SEMA3D: variants seen among roughly 807,000 people sequenced by gnomAD.
The protein encoded by SEMA3D is semaphorin 3D.
A neutral mutation model predicts 100.1 loss-of-function variants in SEMA3D; 84 were observed. The observed-to-expected ratio is 0.84, with a 90% CI of 0.70 to 1.01. SEMA3D has a LOEUF of 1.01. Ranked by LOEUF, SEMA3D falls within the 50% of genes least tolerant of loss-of-function variation. The pLI is 0.00. For missense variants in SEMA3D, 875 were observed against 934.1 expected, an observed-to-expected ratio of 0.94 and a Z score of 0.82; for synonymous variants, 312 against 320.7, an observed-to-expected ratio of 0.97 and a Z score of 0.29.
Position 85,061,965 on chromosome 7 carries a change from C to T in SEMA3D, c.718+3459G>A, listed in dbSNP as rs377022410. ...TCCCTGCTTCCTGCTACCAGACCCA[C>T]ATCCTTGATTTGCTGTTGCCCTACA... is the stretch of plus-strand genomic sequence containing the variant. On this transcript the variant is annotated intron_variant, in intron 8 of 18. Transcript: ENST00000284136. 3.3e-5 allele frequency among the ~76,000 whole-genome samples: 5 copies of T among 152,298 alleles called. No homozygotes were observed. The South Asian group carries it at 8.3e-4, about 25-fold the overall frequency.
intron 4 of SEMA3D, among the ~76,000 whole-genome samples, chr7:85,088,675 T>C (rs944330218): frequency 2.6e-5 from 4 of 152,188 alleles, no homozygotes; most frequent in African/African-American, 2.4e-5. Context: ...GCAGTGGGTA[T>C]TGGCCTGGCC....
chr7:85,196,663 C>T, the SEMA3D span, among the ~76,000 whole-genome samples: 1 of 152,016 alleles, frequency 6.6e-6, no homozygotes, highest in South Asian at 2.1e-4. Context: ...AAAGACTTTT[C>T]ATCTAAGGGG....
intron 1 of SEMA3D, among the ~76,000 whole-genome samples, chr7:85,171,603 A>T (rs891376922): frequency 2.6e-5 from 4 of 151,938 alleles, no homozygotes; most frequent in African/African-American, 9.7e-5. Context: ...CCACTGTTTG[A>T]TAGGCAGGTC....
chr7:85,157,485 C>T (rs912976177), intron 1 of SEMA3D: 5 of 160,568 alleles, frequency 3.1e-5, no homozygotes, highest in African/African-American at 1.2e-4. Flanking sequence ...CACAGTTTGA[C>T]CCTTGCCTAC....
At chr7:85,110,723 T>G (rs530241827) in intron 3 of SEMA3D, among the ~76,000 whole-genome samples, 2 of 152,104 alleles carry the variant, frequency 1.3e-5, no homozygotes, top group Non-Finnish European at 2.9e-5. Context: ...ATTCTTCTTC[T>G]AGATTATTTC....
chr7:85,189,335 T>C (rs183416515), upstream of SEMA3D, among the ~76,000 whole-genome samples: 279 of 152,318 alleles, frequency 1.8e-3, 1 homozygote, highest in African/African-American at 6.6e-3. Flanking sequence ...GAATTTCTAA[T>C]AACTGTATAG....
At chr7:85,044,080 T>C (rs1220049501) in intron 9 of SEMA3D, among the ~76,000 whole-genome samples, 1 of 151,988 alleles carries the variant, frequency 6.6e-6, no homozygotes, top group Non-Finnish European at 1.5e-5. Flanking sequence ...GTATAAATTA[T>C]ATAAAATCAT....
chr7:85,192,734 T>C, the SEMA3D span, among the ~76,000 whole-genome samples: 1 of 152,186 alleles, frequency 6.6e-6, no homozygotes, highest in Non-Finnish European at 1.5e-5. Flanking sequence ...TTTAGGACTT[T>C]TAATTTCATT....
chr7:85,172,534 C>A (rs1791112692), intron 1 of SEMA3D, among the ~76,000 whole-genome samples: 1 of 151,920 alleles, frequency 6.6e-6, no homozygotes, highest in Admixed American at 6.6e-5. Flanking sequence ...CAGCATGGAA[C>A]AAAGATGTAC....
the SEMA3D span, among the ~76,000 whole-genome samples, chr7:85,225,105 T>C: frequency 0.19 from 3,404 of 18,046 alleles, 288 homozygotes; most frequent in African/African-American, 0.2. Flanking sequence ...TATATATATA[T>C]ACATACATAT....
intron 1 of SEMA3D, among the ~76,000 whole-genome samples, chr7:85,156,248 G>A (rs561074366): frequency 5.3e-5 from 8 of 151,888 alleles, no homozygotes; most frequent in Admixed American, 3.3e-4. Context: ...GACTACAAGC[G>A]CGTGCCACCA....
At chr7:85,133,731 T>A (rs1000601238) in intron 2 of SEMA3D, among the ~76,000 whole-genome samples, 1 of 151,998 alleles carries the variant, frequency 6.6e-6, no homozygotes, top group Non-Finnish European at 1.5e-5. Context: ...ATTCACTTAA[T>A]TTCTTTAAGT....
In SEMA3D at chr7:85,031,914, A is replaced by G. The variant is rs901537170; in HGVS notation, c.1191+4975T>C. ...AAACAAATAAGAAAGAATGCCAGGA[A>G]ATAATGTAAAATTCAATGCAGCTAA... On this transcript the variant is annotated intron_variant, in intron 12 of 18. Coordinates refer to ENST00000284136, the MANE Select transcript of SEMA3D (RefSeq NM_001384900.1). Among the ~76,000 whole-genome samples the G allele has an allele frequency of 2.0e-5, 3 of 152,078 alleles. No homozygotes were observed. The East Asian group carries it at 5.8e-4, about 29-fold the overall frequency.
chr7:85,030,160 A>G (rs1015640354), intron 12 of SEMA3D, among the ~76,000 whole-genome samples: 1 of 150,702 alleles, frequency 6.6e-6, no homozygotes, highest in Non-Finnish European at 1.5e-5. Flanking sequence ...GAACCAAAAA[A>G]TTTTCAGGAA....
intron 2 of SEMA3D, among the ~76,000 whole-genome samples, chr7:85,122,899 T>C (rs1184484923): frequency 6.6e-6 from 1 of 152,166 alleles, no homozygotes; most frequent in Non-Finnish European, 1.5e-5. Context: ...CTGTAAGATG[T>C]AGAGTCAATC....
At chr7:85,242,813 T>G in the SEMA3D span, among the ~76,000 whole-genome samples, 1 of 152,160 alleles carries the variant, frequency 6.6e-6, no homozygotes, top group Non-Finnish European at 1.5e-5. Context: ...ACATTTTTCT[T>G]TCTCTGAAGT....
intron 17 of SEMA3D, among the ~76,000 whole-genome samples, chr7:85,007,174 T>C (rs889894997): frequency 6.6e-6 from 1 of 151,962 alleles, no homozygotes; most frequent in African/African-American, 2.4e-5. Context: ...ATTAGCTATT[T>C]GCACTTGATT....
At chr7:85,086,671 C>A (rs1237531159) in intron 4 of SEMA3D, among the ~76,000 whole-genome samples, 1 of 144,560 alleles carries the variant, frequency 6.9e-6, no homozygotes, top group Admixed American at 6.9e-5. Context: ...TGTATAGATG[C>A]ATGTGGAGGG....
At chr7:85,062,408 A>G (rs1036545921) in intron 8 of SEMA3D, among the ~76,000 whole-genome samples, 5 of 152,210 alleles carry the variant, frequency 3.3e-5, no homozygotes, top group African/African-American at 1.2e-4. Flanking sequence ...GTAACCATAG[A>G]AAGAACAAGG....
Sources: gnomAD v4.1 joint callset for allele counts (sites outside exome capture counted in the v4.1 genomes callset) on GRCh38, gnomAD v4.1.1 for gene constraint, MANE v1.5 for transcripts, NCBI Gene and HGNC (gene_info 2026-07-23, HGNC 2026-07-21) for gene names.